The following ERO1B variants were observed in gnomAD, a reference collection of about 807,000 sequenced individuals.
ERO1B encodes endoplasmic reticulum oxidoreductase 1 beta, also known as ERO1-like protein beta.
ERO1B carries 49 observed loss-of-function variants against 75.3 expected under a neutral mutation model. The ratio of observed to expected loss-of-function variants is 0.65; its 90% CI spans 0.52 to 0.83. ERO1B has a LOEUF of 0.83. Ranked by LOEUF, ERO1B falls within the 40% of genes least tolerant of loss-of-function variation. The probability of loss-of-function intolerance (pLI) is 0.00; values close to 1 mark genes in which losing one functional copy is unlikely to be tolerated. For missense variants in ERO1B, 512 were observed against 560.1 expected (o/e 0.91, Z 0.87); for synonymous variants, 191 against 192.9 (o/e 0.99, Z 0.08).
At chr1:236,229,146 C>T (rs561248156) in intron 10 of ERO1B, among the ~76,000 whole-genome samples, 1 of 152,232 alleles carries the variant, frequency 6.6e-6, no homozygotes, top group East Asian at 1.9e-4. Flanking sequence ...AAGAAATAGG[C>T]CAGGTATGGT....
chr1:236,256,754 A>T (rs1405631), intron 2 of ERO1B, among the ~76,000 whole-genome samples: 1 of 152,068 alleles, frequency 6.6e-6, no homozygotes, highest in East Asian at 1.9e-4. Context: ...TGAACACATC[A>T]AGAACCCCAA....
intron 4 of ERO1B, 29 bp downstream of exon 4, chr1:236,252,021 G>C: frequency 6.6e-7 from 1 of 1,505,776 alleles, no homozygotes; most frequent in Non-Finnish European, 9.1e-7. Context: ...ATGTAAAGCA[G>C]AAACACTCAA....
Position 236,218,333 on chromosome 1 carries a change from TATAA to T in ERO1B, c.*179_*182del. ...ATGTTTTAAAAGTATATACTTCATT[TATAA>T]ATATCTCTAGTTGATAATAATCTAT... On this transcript the variant is annotated 3_prime_UTR_variant, in exon 16 of 16. Transcript: ENST00000354619. 2.6e-6 allele frequency: 1 copy of T among 377,606 alleles called. No homozygotes were observed. Among genetic ancestry groups the T allele is most frequent in the Non-Finnish European group, 4.2e-6 (1 of 236,962 alleles). The allele number at this position is 377,606 out of a possible 1,614,324, so 23.4% of individuals were successfully genotyped here.
At chr1:236,244,191 T>G (rs979690466) in intron 5 of ERO1B, among the ~76,000 whole-genome samples, 2 of 152,186 alleles carry the variant, frequency 1.3e-5, no homozygotes, top group East Asian at 3.9e-4. Flanking sequence ...ATCATTTTGC[T>G]ACCCTCTTTA....
intron 1 of ERO1B, among the ~76,000 whole-genome samples, chr1:236,278,960 TATGG>T (rs1296169260): frequency 2.6e-5 from 4 of 152,230 alleles, no homozygotes; most frequent in Non-Finnish European, 5.9e-5. Flanking sequence ...CAATTTATTA[TATGG>T]ATGAAGTCAA....
intron 4 of ERO1B, among the ~76,000 whole-genome samples, chr1:236,250,602 TA>T (rs1402091839): frequency 8.0e-5 from 5 of 62,312 alleles, no homozygotes; most frequent in African/African-American, 1.9e-4. Flanking sequence ...TATATATATA[TA>T]TATATATATA....
In ERO1B at chr1:236,281,746, C is replaced by T; in HGVS notation, c.38G>A (p.Gly13Glu). Residue 13 changes from glycine to glutamate, a missense_variant, in exon 1 of 16, where the codon GGG becomes GAG. Physicochemically the swap from Gly to Glu is moderately conservative, Grantham distance 98 (BLOSUM62 -2). Transcript: ENST00000354619. ...QGVRRAGAGQ[G>E]VAAAVQLLVT... is the part of the protein sequence containing the mutation. ...CAGCAGCTGCACCGCGGCCGCTACC[C>T]CCTGCCCAGCGCCTGCCCGGCGGAC... 1.3e-6 allele frequency: 2 copies of T among 1,516,870 alleles called. No individual in the cohort carries two copies. The highest frequency in any genetic ancestry group is 1.8e-6 in the Non-Finnish European group (2 of 1,135,784). 94.0% of individuals were successfully genotyped at this position (1,516,870 alleles called of 1,614,324 possible).
chr1:236,253,772 T>C (rs971085574), intron 2 of ERO1B, among the ~76,000 whole-genome samples: 2 of 152,226 alleles, frequency 1.3e-5, no homozygotes, highest in Non-Finnish European at 2.9e-5. Context: ...AATTCTCTCA[T>C]GCACCCATTT....
rs914301604 is a variant in ERO1B, at chr1:236,216,649, G to C, written c.*1867C>G. 6.6e-6 allele frequency: 1 copy of C among 151,984 alleles called. No homozygotes were observed. Among genetic ancestry groups the C allele is most frequent in the Non-Finnish European group, 1.5e-5 (1 of 67,940 alleles). 9.4% of individuals were successfully genotyped at this position (151,984 alleles called of 1,614,324 possible). A position where few individuals can be genotyped will look rare whatever the true frequency, so the allele number is the denominator to read the frequency against. Reference sequence around the variant, plus strand: ...AAAAACAATAAATGGACATGAGCGAGGATTTTCTCCAGTAAACAGTTTAAA... The same window carrying C: ...AAAAACAATAAATGGACATGAGCGACGATTTTCTCCAGTAAACAGTTTAAA... On this transcript the variant is annotated 3_prime_UTR_variant, in exon 16 of 16. Transcript: ENST00000354619.
chr1:236,264,098 T>A (rs1236080034), intron 2 of ERO1B, among the ~76,000 whole-genome samples: 1 of 152,132 alleles, frequency 6.6e-6, no homozygotes, highest in Admixed American at 6.5e-5. Flanking sequence ...ACTTTTTTCA[T>A]ATAACTACAT....
intron 5 of ERO1B, among the ~76,000 whole-genome samples, chr1:236,248,304 A>G (rs573965573): frequency 5.9e-5 from 9 of 152,328 alleles, no homozygotes; most frequent in African/African-American, 1.9e-4. Flanking sequence ...GTAAGGATGT[A>G]GAGAATGATA....
At chr1:236,228,663 C>G (rs143421033) in intron 10 of ERO1B, among the ~76,000 whole-genome samples, 89 of 152,252 alleles carry the variant, frequency 5.8e-4, no homozygotes, top group African/African-American at 2.0e-3. Context: ...TTTACTGTAA[C>G]AGTAATATTT....
chr1:236,232,966 G>A (rs961884694), intron 8 of ERO1B, 127 bp from the exon 9 acceptor site: 12 of 694,696 alleles, frequency 1.7e-5, no homozygotes, highest in Admixed American at 3.3e-5. Context: ...CTGAGTAGAC[G>A]CCCTGCAAAT....
At chr1:236,267,278 T>G (rs927390353) in intron 2 of ERO1B, among the ~76,000 whole-genome samples, 14 of 152,244 alleles carry the variant, frequency 9.2e-5, no homozygotes, top group Non-Finnish European at 1.6e-4. Context: ...TCAATTTTGT[T>G]AGCTACTTCA....
chr1:236,226,253 G>C lies in ERO1B; in HGVS notation c.1052+16C>G, dbSNP rs1277032914. 1.2e-6 allele frequency: 2 copies of C among 1,610,666 alleles called. No individual in the cohort carries two copies. ...ACAGAGAGGAGAATTTCAAATCACG[G>C]ATAGTCAATTCTTACTTTGTATCTT... On this transcript the variant is annotated intron_variant, in intron 12 of 15. Transcript: ENST00000354619.
At chr1:236,250,315 C>G (rs1034701700) in intron 4 of ERO1B, among the ~76,000 whole-genome samples, 2 of 151,616 alleles carry the variant, frequency 1.3e-5, no homozygotes, top group African/African-American at 4.8e-5. Flanking sequence ...ACTAAAAATA[C>G]AAAAATTATC....
intron 2 of ERO1B, among the ~76,000 whole-genome samples, chr1:236,254,841 G>A (rs1208340680): frequency 6.6e-6 from 1 of 151,952 alleles, no homozygotes; most frequent in Non-Finnish European, 1.5e-5. Flanking sequence ...TCGAACTCCT[G>A]ACCTCAGGTG....
chr1:236,239,666 G>A (rs1024354223), intron 6 of ERO1B, among the ~76,000 whole-genome samples: 28 of 151,076 alleles, frequency 1.9e-4, no homozygotes, highest in African/African-American at 6.6e-4. Flanking sequence ...TAAATTATCT[G>A]GCCCTCTACT....
At chr1:236,261,009 T>C (rs1163709531) in intron 2 of ERO1B, among the ~76,000 whole-genome samples, 2 of 140,610 alleles carry the variant, frequency 1.4e-5, no homozygotes, top group African/African-American at 2.6e-5. Context: ...TAGTTTGATG[T>C]ACATAAATCA....
Sources: allele counts gnomAD v4.1 joint callset (sites outside exome capture counted in the v4.1 genomes callset), GRCh38; gene constraint gnomAD v4.1.1; transcripts MANE v1.5; gene names NCBI Gene and HGNC (gene_info 2026-07-23, HGNC 2026-07-21).